Variants in AGPS observed in about 807,000 individuals in gnomAD.
AGPS encodes alkyldihydroxyacetonephosphate synthase, peroxisomal.
Under a neutral mutation model 90.7 loss-of-function variants are expected in AGPS, and 26 were observed. The observed-to-expected ratio is 0.29, with a 90% CI of 0.21 to 0.40. The LOEUF is 0.40. Ranked by LOEUF, AGPS falls within the 10% of genes least tolerant of loss-of-function variation. AGPS has a pLI of 1.00. For missense variants in AGPS, 540 were observed against 816.1 expected (o/e 0.66, Z 4.12); for synonymous variants, 294 against 285.3 (o/e 1.03, Z -0.31).
At chr2:177,504,802 G>A (rs1159887976) in intron 14 of AGPS, among the ~76,000 whole-genome samples, 1 of 151,952 alleles carries the variant, frequency 6.6e-6, no homozygotes, top group Admixed American at 6.6e-5. Flanking sequence ...TTTACTAAAG[G>A]TAGTGGAAAA....
At position 177,420,261 on chromosome 2, in the gene AGPS, C is replaced by T. The variant is rs1165107597; in HGVS notation, c.261-8C>T. 3 of 1,579,460 alleles carry T rather than the reference C, an allele frequency of 1.9e-6. No homozygotes were observed. The highest frequency in any genetic ancestry group is 2.2e-5 in the East Asian group (1 of 44,514). On this transcript the variant is annotated splice_polypyrimidine_tract_variant and splice_region_variant and intron_variant, in intron 1 of 19. Coordinates refer to ENST00000264167, the MANE Select transcript of AGPS (RefSeq NM_003659.4). Reference sequence around the variant, plus strand: ...TGGTCTCACTTATATATATTTTCTTCTCACTAGGCAAGAAGTTATGAAATG... The same window carrying T: ...TGGTCTCACTTATATATATTTTCTTTTCACTAGGCAAGAAGTTATGAAATG...
chr2:177,464,535 A>G (rs2105670026), intron 9 of AGPS, among the ~76,000 whole-genome samples: 1 of 152,392 alleles, frequency 6.6e-6, no homozygotes, highest in African/African-American at 2.4e-5. Context: ...AAGTTTTAAC[A>G]TCTGAAGAGT....
chr2:177,429,347 C>G (rs1416749208), intron 2 of AGPS, among the ~76,000 whole-genome samples: 3 of 152,120 alleles, frequency 2.0e-5, no homozygotes. Flanking sequence ...AGTTCTCTGC[C>G]CTTGCTGGAG....
At chr2:177,458,016 G>A (rs1335982408) in intron 8 of AGPS, among the ~76,000 whole-genome samples, 1 of 152,168 alleles carries the variant, frequency 6.6e-6, no homozygotes, top group Admixed American at 6.5e-5. Context: ...TCATACCTGG[G>A]ATGCAAGGCT....
intron 10 of AGPS, among the ~76,000 whole-genome samples, chr2:177,472,475 C>T (rs1169228807): frequency 6.6e-6 from 1 of 151,824 alleles, no homozygotes; most frequent in Non-Finnish European, 1.5e-5. Context: ...ATCCCTGTTG[C>T]TTGATTGATG....
At chr2:177,535,434 G>A (rs1307950039) in intron 19 of AGPS, among the ~76,000 whole-genome samples, 1 of 119,430 alleles carries the variant, frequency 8.4e-6, no homozygotes, top group African/African-American at 2.7e-5. Context: ...AGATCAGTAT[G>A]GTCAGCTAAT....
intron 14 of AGPS, among the ~76,000 whole-genome samples, chr2:177,500,414 G>A (rs1688526731): frequency 6.6e-6 from 1 of 151,554 alleles, no homozygotes; most frequent in Non-Finnish European, 1.5e-5. Flanking sequence ...TGATTTCAGG[G>A]ATTAAAATAT....
At chr2:177,456,426 A>G (rs1687111972) in intron 8 of AGPS, among the ~76,000 whole-genome samples, 2 of 152,230 alleles carry the variant, frequency 1.3e-5, no homozygotes, top group Admixed American at 1.3e-4. Flanking sequence ...GCAACAGTAA[A>G]TGACAAATTT....
chr2:177,493,082 C>T (rs1371270374), intron 11 of AGPS, 66 bp from the exon 12 acceptor site: 2 of 1,359,246 alleles, frequency 1.5e-6, no homozygotes, highest in Admixed American at 1.7e-5. Flanking sequence ...ATAATATTCA[C>T]ATTCTACCTG....
intron 11 of AGPS, among the ~76,000 whole-genome samples, chr2:177,489,594 G>A (rs1424263569): frequency 1.3e-5 from 2 of 152,094 alleles, no homozygotes; most frequent in African/African-American, 2.4e-5. Context: ...TGAAGTCATC[G>A]TGGTTATTTA....
Position 177,539,754 on chromosome 2 carries a change from C to A in AGPS, c.*1559C>A, listed in dbSNP as rs1299723731. 1.3e-5 allele frequency: 2 copies of A among 151,714 alleles called. No individual in the cohort carries two copies. Among genetic ancestry groups the A allele is most frequent in the Admixed American group, 1.3e-4 (2 of 15,206 alleles). 9.4% of individuals were successfully genotyped at this position (151,714 alleles called of 1,614,324 possible). A position where few individuals can be genotyped will look rare whatever the true frequency, so the allele number is the denominator to read the frequency against. Reference sequence around the variant, plus strand: ...TAAAATTGGCCTCAAACTAATAAATCTGTAATTAAATTAGAATTAAATATC... The same window carrying A: ...TAAAATTGGCCTCAAACTAATAAATATGTAATTAAATTAGAATTAAATATC... On this transcript the variant is annotated 3_prime_UTR_variant, in exon 20 of 20. Transcript: ENST00000264167.
chr2:177,396,398 A>G (rs1685175294), intron 1 of AGPS, among the ~76,000 whole-genome samples: 1 of 152,176 alleles, frequency 6.6e-6, no homozygotes, highest in Non-Finnish European at 1.5e-5. Flanking sequence ...TTCTAGCTGG[A>G]GTGGAGACAG....
chr2:177,430,574 T>C (rs1169509135), intron 2 of AGPS, among the ~76,000 whole-genome samples: 1 of 152,074 alleles, frequency 6.6e-6, no homozygotes, highest in Non-Finnish European at 1.5e-5. Context: ...GCACAATCTC[T>C]CACTGCTCTG....
intron 11 of AGPS, among the ~76,000 whole-genome samples, chr2:177,492,202 T>C (rs1325260566): frequency 6.6e-6 from 1 of 152,240 alleles, no homozygotes; most frequent in Non-Finnish European, 1.5e-5. Flanking sequence ...TACAAGTTGC[T>C]GGTAGGAACT....
intron 2 of AGPS, among the ~76,000 whole-genome samples, chr2:177,432,391 C>T (rs1188552535): frequency 6.6e-6 from 1 of 152,240 alleles, no homozygotes; most frequent in Non-Finnish European, 1.5e-5. Flanking sequence ...AAGTGCTTAA[C>T]TTTCCCTTTA....
intron 6 of AGPS, chr2:177,441,297 G>T: frequency 2.5e-6 from 1 of 399,358 alleles, no homozygotes; most frequent in Non-Finnish European, 4.5e-6. Context: ...ATAACAAAAT[G>T]TTTCTGCTTT....
intron 19 of AGPS, among the ~76,000 whole-genome samples, chr2:177,533,014 TA>T (rs2079151762): frequency 6.6e-6 from 1 of 152,216 alleles, no homozygotes; most frequent in African/African-American, 2.4e-5. Flanking sequence ...CAGGGATCCT[TA>T]GTTTGATAGA....
intron 1 of AGPS, among the ~76,000 whole-genome samples, chr2:177,406,486 G>A (rs1021799447): frequency 6.6e-6 from 1 of 152,172 alleles, no homozygotes; most frequent in Non-Finnish European, 1.5e-5. Context: ...GGGAGAGAAG[G>A]GCATTTTAGA....
intron 1 of AGPS, among the ~76,000 whole-genome samples, chr2:177,402,394 T>C (rs1031347346): frequency 2.0e-5 from 3 of 152,240 alleles, no homozygotes; most frequent in African/African-American, 7.2e-5. Flanking sequence ...CTGTTTAAAA[T>C]ATGTAGCTTT....
Sources: gnomAD v4.1 joint callset for allele counts (sites outside exome capture counted in the v4.1 genomes callset) on GRCh38, gnomAD v4.1.1 for gene constraint, MANE v1.5 for transcripts, NCBI Gene and HGNC (gene_info 2026-07-23, HGNC 2026-07-21) for gene names.